Variants in TUT4 observed in about 807,000 individuals in gnomAD.
TUT4 encodes terminal uridylyltransferase 4.
A neutral mutation model predicts 192.2 loss-of-function variants in TUT4; 36 were observed. The observed-to-expected ratio is 0.19, with a 90% confidence interval of 0.14 to 0.25. TUT4 has a LOEUF of 0.25. Ranked by LOEUF, TUT4 falls within the 10% of genes least tolerant of loss-of-function variation. The pLI is 1.00. For missense variants in TUT4, 1,493 were observed against 1,957.2 expected, an observed-to-expected ratio of 0.76 and a Z score of 4.47; for synonymous variants, 618 against 666.0, an observed-to-expected ratio of 0.93 and a Z score of 1.11.
At chr1:52,522,556 C>T (rs1358795843) in intron 2 of TUT4, among the ~76,000 whole-genome samples, 1 of 152,146 alleles carries the variant, frequency 6.6e-6, no homozygotes, top group African/African-American at 2.4e-5. Flanking sequence ...AATTCAAAAC[C>T]CATGCAATTT....
chr1:52,546,068 G>A (rs746984979), intron 1 of TUT4, among the ~76,000 whole-genome samples: 9 of 152,000 alleles, frequency 5.9e-5, no homozygotes, highest in Non-Finnish European at 1.2e-4. Flanking sequence ...GAGCCCAGGA[G>A]GCAGAGGTTG....
intron 9 of TUT4, among the ~76,000 whole-genome samples, chr1:52,486,827 G>C (rs1322133610): frequency 2.0e-5 from 3 of 152,006 alleles, no homozygotes; most frequent in African/African-American, 7.3e-5. Context: ...AGTCACTTTA[G>C]GAAACAATAT....
At chr1:52,512,869 G>T (rs1253242188) in intron 3 of TUT4, among the ~76,000 whole-genome samples, 4 of 151,208 alleles carry the variant, frequency 2.6e-5, no homozygotes, top group African/African-American at 7.3e-5. Flanking sequence ...ATAATCTATG[G>T]AAACACTGAA....
At chr1:52,431,529 A>T in intron 27 of TUT4, 69 bp from the exon 28 acceptor site, 1 of 1,204,910 alleles carries the variant, frequency 8.3e-7, no homozygotes, top group Non-Finnish European at 1.1e-6. Flanking sequence ...GTAGAGATAA[A>T]ATACAAAATT....
intron 20 of TUT4, among the ~76,000 whole-genome samples, chr1:52,448,947 T>C (rs960161583): frequency 6.6e-6 from 1 of 152,224 alleles, no homozygotes; most frequent in Non-Finnish European, 1.5e-5. Flanking sequence ...AGTAGGTCTG[T>C]GGGCCTTGTA....
chr1:52,525,074 A>G (rs911097966), intron 2 of TUT4, among the ~76,000 whole-genome samples: 1 of 152,204 alleles, frequency 6.6e-6, no homozygotes, highest in Non-Finnish European at 1.5e-5. Flanking sequence ...AGTTTTTGGC[A>G]CTGAAAATCA....
intron 4 of TUT4, among the ~76,000 whole-genome samples, chr1:52,499,317 T>C (rs1397466142): frequency 6.6e-6 from 1 of 151,510 alleles, no homozygotes; most frequent in Non-Finnish European, 1.5e-5. Flanking sequence ...GAGAACTGCT[T>C]GAACCCGGAA....
chr1:52,508,866 T>G (rs1163695328), intron 4 of TUT4, among the ~76,000 whole-genome samples: 1 of 152,250 alleles, frequency 6.6e-6, no homozygotes, highest in East Asian at 1.9e-4. Flanking sequence ...CTATGGGATA[T>G]TTCAATAGAA....
In TUT4 at chr1:52,454,686, G is replaced by A. The variant is rs974613190; in HGVS notation, c.3435+3650C>T. Among the ~76,000 whole-genome samples, 3 of 152,190 alleles carry A rather than the reference G, an allele frequency of 2.0e-5. No individual in the cohort carries two copies. The East Asian group carries it at 5.8e-4, about 29-fold the overall frequency. On this transcript the variant is annotated intron_variant, in intron 20 of 29. Coordinates refer to ENST00000257177, the MANE Select transcript of TUT4 (RefSeq NM_001009881.3). The stretch of plus-strand genomic sequence containing the variant: ...TATCTTTTTAGACACAACACCAAAG[G>A]CAAGAGCTATGAAAGAAATAATTGA...
chr1:52,515,583 T>G (rs1379697508), intron 3 of TUT4: 5 of 481,224 alleles, frequency 1.0e-5, no homozygotes, highest in Non-Finnish European at 1.5e-5. Context: ...TCCAATAAAA[T>G]GTTTACCAAA....
chr1:52,444,733 C>T (rs1220724758), intron 24 of TUT4, among the ~76,000 whole-genome samples: 2 of 150,852 alleles, frequency 1.3e-5, no homozygotes, highest in East Asian at 3.9e-4. Flanking sequence ...GCCTCTCAGC[C>T]TACATCTTTC....
At chr1:52,427,705 A>C (rs1255598903) in intron 28 of TUT4, among the ~76,000 whole-genome samples, 1 of 152,268 alleles carries the variant, frequency 6.6e-6, no homozygotes, top group Non-Finnish European at 1.5e-5. Flanking sequence ...TTGTTCCAAA[A>C]GAAGCTGGAG....
intron 24 of TUT4, 30 bp downstream of exon 24, chr1:52,445,757 A>C (rs1273279191): frequency 6.7e-7 from 1 of 1,501,358 alleles, no homozygotes; most frequent in African/African-American, 1.4e-5. Flanking sequence ...AAAAAAGAAA[A>C]GATTCACAAT....
At chr1:52,458,201 C>T (rs1456941293) in intron 20 of TUT4, 135 bp downstream of exon 20, 5 of 563,440 alleles carry the variant, frequency 8.9e-6, no homozygotes, top group Non-Finnish European at 1.2e-5. Flanking sequence ...TTAATTATAG[C>T]ATTAATGGAA....
chr1:52,526,232 T>C lies in TUT4; in HGVS notation c.49A>G (p.Asn17Asp), dbSNP rs765866314. Reference sequence around the variant, plus strand: ...GCTTTGCTTTCTTCACAAATAACATTCTTCTTTGGTTCATGATTTTCACTT... The same window carrying C: ...GCTTTGCTTTCTTCACAAATAACATCCTTCTTTGGTTCATGATTTTCACTT... ...LKSENHEPKK[N>D]VICEESKAVQ... The change falls in exon 2 of 30, where the codon AAT becomes GAT. Residue 17 changes from asparagine (N) to aspartate (D), a missense_variant. Physicochemically the swap from Asn to Asp is conservative, Grantham distance 23. Coordinates refer to ENST00000257177, the MANE Select transcript of TUT4 (RefSeq NM_001009881.3). The C allele has an allele frequency of 1.9e-6, 3 of 1,590,296 alleles. No homozygotes were observed. In the East Asian group the frequency reaches 6.7e-5, roughly 36 times the overall value.
Position 52,509,616 on chromosome 1 carries a change from G to C in TUT4, c.979C>G (p.Arg327Gly). ...CTTACCAAAATATTTTTCTTATGTC[G>C]TTTCTCCTTTATATGTTTATGAGCC... Reference protein sequence around the residue: ...QGAHKHIKEKRHKKNILEKQE... With the variant: ...QGAHKHIKEKGHKKNILEKQE... Residue 327 changes from arginine (R) to glycine (G), a missense_variant, in exon 4 of 30, where the codon CGA becomes GGA. Coordinates refer to ENST00000257177, the MANE Select transcript of TUT4 (RefSeq NM_001009881.3). 6.3e-7 allele frequency: 1 copy of C among 1,579,486 alleles called. No individual in the cohort carries two copies. The highest frequency in any genetic ancestry group is 8.7e-7 in the Non-Finnish European group (1 of 1,155,662).
chr1:52,519,840 T>C (rs1571225103), intron 2 of TUT4, among the ~76,000 whole-genome samples: 2 of 152,126 alleles, frequency 1.3e-5, no homozygotes, highest in Admixed American at 1.3e-4. Flanking sequence ...ATAAAAAAAA[T>C]TGACCCAACA....
chr1:52,429,769 T>A (rs1189494382), intron 28 of TUT4, among the ~76,000 whole-genome samples: 1 of 151,838 alleles, frequency 6.6e-6, no homozygotes, highest in African/African-American at 2.4e-5. Context: ...ATTTTTGTAT[T>A]TTTAATAGAG....
chr1:52,459,630 A>G (rs1295014044), intron 19 of TUT4, among the ~76,000 whole-genome samples: 1 of 152,072 alleles, frequency 6.6e-6, no homozygotes, highest in African/African-American at 2.4e-5. Flanking sequence ...TCACGCCTCT[A>G]ATCACAGCAC....
Sources: gnomAD v4.1 joint callset for allele counts (sites outside exome capture counted in the v4.1 genomes callset) on GRCh38, gnomAD v4.1.1 for gene constraint, MANE v1.5 for transcripts, NCBI Gene and HGNC (gene_info 2026-07-23, HGNC 2026-07-21) for gene names.